Variants in PPP6R3 observed in about 807,000 individuals in gnomAD.
The protein encoded by PPP6R3 is protein phosphatase 6 regulatory subunit 3, also known as serine/threonine-protein phosphatase 6 regulatory subunit 3.
PPP6R3 carries 38 observed loss-of-function variants against 110.7 expected under a neutral mutation model. The observed-to-expected ratio is 0.34, with a 90% confidence interval of 0.26 to 0.45. The LOEUF (loss-of-function observed/expected upper bound fraction) is 0.45, where lower values mean the gene tolerates loss of function less well. Ranked by LOEUF, PPP6R3 falls within the 20% of genes least tolerant of loss-of-function variation. The probability of loss-of-function intolerance (pLI) is 1.00; values close to 1 mark genes in which losing one functional copy is unlikely to be tolerated. For synonymous variants in PPP6R3, 369 were observed against 373.5 expected (o/e 0.99, Z 0.14); for missense variants, 870 against 1,062.4 (o/e 0.82, Z 2.52).
intron 2 of PPP6R3, among the ~76,000 whole-genome samples, chr11:68,532,964 T>G (rs891136822): frequency 6.6e-6 from 1 of 152,240 alleles, no homozygotes; most frequent in African/African-American, 2.4e-5. Context: ...TCTGTATCCC[T>G]GTCATTATTT....
intron 1 of PPP6R3, among the ~76,000 whole-genome samples, chr11:68,475,636 G>GC (rs1263309698): frequency 1.4e-5 from 2 of 147,030 alleles, no homozygotes; most frequent in Admixed American, 1.3e-4. Context: ...GGTGGGGGCT[G>GC]CCCCCCACCT....
chr11:68,590,829 T>G, intron 17 of PPP6R3, 115 bp downstream of exon 17: 1 of 1,238,946 alleles, frequency 8.1e-7, no homozygotes, highest in East Asian at 2.7e-5. Context: ...TAATCCTAAA[T>G]TGGTGTTACA....
At chr11:68,572,742 C>T (rs115899220) in intron 12 of PPP6R3, among the ~76,000 whole-genome samples, 355 of 151,896 alleles carry the variant, frequency 2.3e-3, no homozygotes, top group African/African-American at 8.0e-3. Context: ...CTCAAGAGGC[C>T]GAAGTGAGAG....
intron 3 of PPP6R3, among the ~76,000 whole-genome samples, chr11:68,540,401 G>T (rs2153656801): frequency 6.6e-6 from 1 of 152,266 alleles, no homozygotes; most frequent in East Asian, 1.9e-4. Flanking sequence ...GAGGGAGTGT[G>T]CAAATAGGTG....
At position 68,603,337 on chromosome 11, in the gene PPP6R3, T is replaced by C; in HGVS notation, c.2300-5T>C. The C allele has an allele frequency of 6.2e-7, 1 of 1,613,642 alleles. No individual in the cohort carries two copies. The highest frequency in any genetic ancestry group is 8.5e-7 in the Non-Finnish European group (1 of 1,179,912). On this transcript the variant is annotated splice_region_variant and splice_polypyrimidine_tract_variant and intron_variant, in intron 21 of 23. Transcript: ENST00000393800. ...GTGTGTGACCATCAGCTGTGTTCTT[T>C]TCAGCGGCAGGCAGTGTGGCCATGG...
intron 10 of PPP6R3, among the ~76,000 whole-genome samples, chr11:68,568,836 CT>C (rs2099490182): frequency 6.6e-6 from 1 of 151,230 alleles, no homozygotes; most frequent in Non-Finnish European, 1.5e-5. Context: ...GTGATCTTGG[CT>C]CACTGCAAGC....
Position 68,474,043 on chromosome 11 carries a change from CTTTT to C in PPP6R3, c.-158+13230_-158+13233del, listed in dbSNP as rs34322224. Among the ~76,000 whole-genome samples, 453 of 136,348 alleles carry C rather than the reference CTTTT, an allele frequency of 3.3e-3. 2 individuals carry two copies. The highest frequency in any genetic ancestry group is 0.012 in the African/African-American group (426 of 36,388). The allele number at this position is 136,348 out of a possible 152,430, so 89.4% of individuals were successfully genotyped here. On this transcript the variant is annotated intron_variant, in intron 1 of 23. Coordinates refer to ENST00000393800, the MANE Select transcript of PPP6R3 (RefSeq NM_001164161.2). ...TATTTGCATGTTAAAAAGCAATTAC[CTTTT>C]TTTTTTTTTTTTTGAGACAAGGTCT...
intron 1 of PPP6R3, among the ~76,000 whole-genome samples, chr11:68,476,050 C>T (rs1244638850): frequency 1.3e-5 from 2 of 151,902 alleles, no homozygotes; most frequent in Non-Finnish European, 2.9e-5. Context: ...TCCTCACTTC[C>T]CAGACGGGGT....
chr11:68,537,289 A>G (rs1448732373), intron 2 of PPP6R3, among the ~76,000 whole-genome samples: 2 of 152,188 alleles, frequency 1.3e-5, no homozygotes, highest in Non-Finnish European at 2.9e-5. Flanking sequence ...TTTAGGCCTC[A>G]CTGCTTATCA....
intron 2 of PPP6R3, among the ~76,000 whole-genome samples, chr11:68,535,070 A>G (rs12285993): frequency 0.23 from 35,008 of 152,148 alleles, 4,284 homozygotes; most frequent in Middle Eastern, 0.32. Flanking sequence ...TAAGATTTAT[A>G]TCCACTGACC....
intron 18 of PPP6R3, among the ~76,000 whole-genome samples, chr11:68,595,200 A>ATTTTTTTTTTTTTTTTT (rs71043443): frequency 1.2e-5 from 1 of 81,112 alleles, no homozygotes; most frequent in Admixed American, 1.5e-4. Context: ...CATAAAAATA[A>ATTTTTTTTTTTTTTTTT]TTTTTTTTTT....
chr11:68,563,219 T>A (rs1187670777), intron 8 of PPP6R3, among the ~76,000 whole-genome samples: 1 of 152,136 alleles, frequency 6.6e-6, no homozygotes. Flanking sequence ...AGCAGTAATT[T>A]ATCCTCTCAC....
chr11:68,608,881 TGAA>T (rs1241813443), intron 22 of PPP6R3, among the ~76,000 whole-genome samples: 4 of 152,170 alleles, frequency 2.6e-5, no homozygotes, highest in Non-Finnish European at 4.4e-5. Context: ...AGAATGGGGA[TGAA>T]GAAGAGTAAC....
rs576218229 is a variant in PPP6R3, at chr11:68,528,283, G to GT, written c.-7+8633dup. Reference sequence around the variant, plus strand: ...CTGGAAAAGATTCTGGAATACCTGGGTGGTAGAAAGCTGATTGCTTTTGAC... The same window carrying GT: ...CTGGAAAAGATTCTGGAATACCTGGGTTGGTAGAAAGCTGATTGCTTTTGAC... On this transcript the variant is annotated intron_variant, in intron 2 of 23. Transcript: ENST00000393800. 6.5e-4 allele frequency among the ~76,000 whole-genome samples: 99 copies of GT among 152,234 alleles called. 2 individuals carry two copies. The East Asian group carries it at 0.017, about 26-fold the overall frequency.
chr11:68,496,747 A>T (rs2099018579), intron 1 of PPP6R3, among the ~76,000 whole-genome samples: 1 of 152,060 alleles, frequency 6.6e-6, no homozygotes, highest in South Asian at 2.1e-4. Flanking sequence ...CTGGGATTAC[A>T]ATTACAGCAG....
chr11:68,460,797 G>C lies in PPP6R3; in HGVS notation c.-188G>C, dbSNP rs1264224030. ...CGGTGAGCGCGTTTCCCGCCTGAGC[G>C]CAACTAGCGGCGGGTCGTGGGCACC... On this transcript the variant is annotated 5_prime_UTR_variant, in exon 1 of 24. Coordinates refer to ENST00000393800, the MANE Select transcript of PPP6R3 (RefSeq NM_001164161.2). The C allele has an allele frequency of 2.0e-5, 3 of 152,192 alleles. No individual in the cohort carries two copies. The highest frequency in any genetic ancestry group is 4.4e-5 in the Non-Finnish European group (3 of 68,062). 9.4% of individuals were successfully genotyped at this position (152,192 alleles called of 1,614,324 possible).
chr11:68,531,721 G>A (rs1157488152), intron 2 of PPP6R3, among the ~76,000 whole-genome samples: 1 of 152,160 alleles, frequency 6.6e-6, no homozygotes, highest in Non-Finnish European at 1.5e-5. Context: ...GCCTGAGTGT[G>A]TGTATGTTGG....
chr11:68,608,594 A>G (rs1941655139), intron 22 of PPP6R3, among the ~76,000 whole-genome samples: 1 of 152,216 alleles, frequency 6.6e-6, no homozygotes, highest in African/African-American at 2.4e-5. Flanking sequence ...GGCCGTGGAC[A>G]GTGATGGTCG....
intron 1 of PPP6R3, among the ~76,000 whole-genome samples, chr11:68,476,352 A>G (rs937082207): frequency 2.2e-4 from 34 of 151,930 alleles, no homozygotes; most frequent in Admixed American, 1.4e-3. Flanking sequence ...AATCGCAGGC[A>G]CTGGGCAGGC....
Sources: gnomAD v4.1 joint callset for allele counts (sites outside exome capture counted in the v4.1 genomes callset) on GRCh38, gnomAD v4.1.1 for gene constraint, MANE v1.5 for transcripts, NCBI Gene and HGNC (gene_info 2026-07-23, HGNC 2026-07-21) for gene names.